Variants in STK24 observed in about 807,000 individuals in gnomAD.
The protein encoded by STK24 is serine/threonine kinase 24.
STK24 carries 21 observed loss-of-function variants against 55.6 expected under a neutral mutation model. That is an observed-to-expected ratio of 0.38 (90% CI 0.27 to 0.54). STK24 has a LOEUF of 0.54. STK24 is among the 20% of genes least tolerant of loss of function. The probability of loss-of-function intolerance (pLI) is 0.79; values close to 1 mark genes in which losing one functional copy is unlikely to be tolerated. For missense variants in STK24, 383 were observed against 538.4 expected, an observed-to-expected ratio of 0.71 and a Z score of 2.86; for synonymous variants, 200 against 215.2, an observed-to-expected ratio of 0.93 and a Z score of 0.62.
chr13:98,512,581 T>G (rs1594627126), intron 2 of STK24, among the ~76,000 whole-genome samples: 1 of 152,054 alleles, frequency 6.6e-6, no homozygotes, highest in East Asian at 1.9e-4. Context: ...GTTTTTTTTT[T>G]TTTTTTTTAA....
chr13:98,499,632 C>A (rs1208614978), intron 2 of STK24, among the ~76,000 whole-genome samples: 1 of 152,178 alleles, frequency 6.6e-6, no homozygotes, highest in African/African-American at 2.4e-5. Flanking sequence ...GGTGCAGAGA[C>A]TGGAAACCCA....
chr13:98,508,175 AT>A (rs200406160), intron 2 of STK24, among the ~76,000 whole-genome samples: 14 of 152,238 alleles, frequency 9.2e-5, no homozygotes, highest in South Asian at 2.1e-4. Flanking sequence ...AAGAAAAAAA[AT>A]AAATATATTT....
chr13:98,519,583 T>A (rs1896188224), intron 1 of STK24, 110 bp from the exon 2 acceptor site: 1 of 864,910 alleles, frequency 1.2e-6, no homozygotes, highest in African/African-American at 1.7e-5. Flanking sequence ...CAGGGACTCA[T>A]CTATTTTCTG....
chr13:98,544,566 G>A (rs61971220), intron 1 of STK24, among the ~76,000 whole-genome samples: 23,856 of 152,192 alleles, frequency 0.16, 2,433 homozygotes, highest in Non-Finnish European at 0.23. Context: ...GGACAGAGCC[G>A]CCCGCCCCAG....
chr13:98,535,398 TACAC>T (rs56768700), intron 1 of STK24, among the ~76,000 whole-genome samples: 15,212 of 142,250 alleles, frequency 0.11, 803 homozygotes, highest in African/African-American at 0.12. Flanking sequence ...TATGTGTGTA[TACAC>T]ACACACACAC....
At chr13:98,539,339 T>C (rs890018899) in intron 1 of STK24, among the ~76,000 whole-genome samples, 2 of 152,140 alleles carry the variant, frequency 1.3e-5, no homozygotes, top group Non-Finnish European at 2.9e-5. Flanking sequence ...GGCACCATAA[T>C]CTGTCGTCCC....
chr13:98,459,043 G>A (rs1893588768), intron 9 of STK24, among the ~76,000 whole-genome samples: 1 of 152,178 alleles, frequency 6.6e-6, no homozygotes, highest in African/African-American at 2.4e-5. Flanking sequence ...TTATGTCAAA[G>A]TTGCTTCATG....
intron 3 of STK24, among the ~76,000 whole-genome samples, chr13:98,480,505 T>C (rs1374791626): frequency 6.6e-6 from 1 of 152,186 alleles, no homozygotes; most frequent in East Asian, 1.9e-4. Flanking sequence ...CCAAAATAAG[T>C]TGTAAAAGTA....
At chr13:98,492,083 G>A (rs1159570987) in intron 2 of STK24, among the ~76,000 whole-genome samples, 7 of 41,114 alleles carry the variant, frequency 1.7e-4, no homozygotes, top group Non-Finnish European at 2.6e-4. Context: ...GCGCGTGTGT[G>A]TGTGTGTGTG....
Position 98,469,123 on chromosome 13 carries a change from G to A in STK24, c.598-2562C>T, listed in dbSNP as rs373860988. On this transcript the variant is annotated intron_variant, in intron 5 of 10. Transcript: ENST00000539966. ...AGCAGGCGGCCGAACGCCTGCTTGCGAACGCCTGCTTCTGCACGCAGTGTG... is the reference window on the plus strand; with the variant it reads ...AGCAGGCGGCCGAACGCCTGCTTGCAAACGCCTGCTTCTGCACGCAGTGTG... Among the ~76,000 whole-genome samples the A allele has an allele frequency of 4.6e-5, 7 of 152,336 alleles. 1 individual carries two copies. The highest frequency in any genetic ancestry group is 2.4e-5 in the African/African-American group (1 of 41,576).
intron 1 of STK24, among the ~76,000 whole-genome samples, chr13:98,560,734 A>T (rs1454990463): frequency 6.6e-6 from 1 of 151,910 alleles, no homozygotes; most frequent in Non-Finnish European, 1.5e-5. Context: ...CAAAAAAATT[A>T]GGTGGGCATG....
intron 1 of STK24, among the ~76,000 whole-genome samples, chr13:98,568,954 C>T (rs1403369255): frequency 6.6e-6 from 1 of 151,884 alleles, no homozygotes; most frequent in Non-Finnish European, 1.5e-5. Flanking sequence ...AGAAAGAACA[C>T]AGAAAATGGA....
At chr13:98,569,978 A>G (rs780800439) in intron 1 of STK24, among the ~76,000 whole-genome samples, 5 of 151,704 alleles carry the variant, frequency 3.3e-5, no homozygotes, top group Non-Finnish European at 5.9e-5. Context: ...CCAGGTTCAA[A>G]GAATTCTCCT....
intron 1 of STK24, among the ~76,000 whole-genome samples, chr13:98,544,412 C>T (rs553669055): frequency 6.6e-6 from 1 of 152,350 alleles, no homozygotes; most frequent in Admixed American, 6.5e-5. Flanking sequence ...CTGTGGGCCC[C>T]AGGCAACTGG....
chr13:98,517,627 C>T (rs1383866314), intron 2 of STK24, among the ~76,000 whole-genome samples: 1 of 152,118 alleles, frequency 6.6e-6, no homozygotes, highest in Non-Finnish European at 1.5e-5. Context: ...ACGACTCCAT[C>T]TCATTAAAAA....
intron 1 of STK24, among the ~76,000 whole-genome samples, chr13:98,536,440 T>C (rs181350086): frequency 3.9e-5 from 6 of 152,072 alleles, no homozygotes; most frequent in African/African-American, 4.8e-5. Flanking sequence ...TCATGGCTCA[T>C]TGCAGCCTCA....
At chr13:98,575,202 A>G (rs1291013732) in intron 1 of STK24, among the ~76,000 whole-genome samples, 1 of 152,158 alleles carries the variant, frequency 6.6e-6, no homozygotes, top group African/African-American at 2.4e-5. Flanking sequence ...AAGAAACCAC[A>G]TCTGATTGTT....
intron 9 of STK24, among the ~76,000 whole-genome samples, chr13:98,460,163 C>T (rs961537611): frequency 6.6e-6 from 1 of 151,988 alleles, no homozygotes; most frequent in African/African-American, 2.4e-5. Context: ...TCTACACATT[C>T]CAGGCTGCGG....
intron 1 of STK24, among the ~76,000 whole-genome samples, chr13:98,521,159 G>C (rs752331403): frequency 6.6e-6 from 1 of 152,150 alleles, no homozygotes; most frequent in African/African-American, 2.4e-5. Flanking sequence ...ATCCCCCTTG[G>C]CTCCTAAAAC....
Sources: gnomAD v4.1 joint callset for allele counts (sites outside exome capture counted in the v4.1 genomes callset) on GRCh38, gnomAD v4.1.1 for gene constraint, MANE v1.5 for transcripts, NCBI Gene and HGNC (gene_info 2026-07-23, HGNC 2026-07-21) for gene names.